SLC39A11: variants seen among roughly 807,000 people sequenced by gnomAD.
SLC39A11 encodes the protein solute carrier family 39 member 11, also known as zinc transporter ZIP11.
A neutral mutation model predicts 36.1 loss-of-function variants in SLC39A11; 33 were observed. The ratio of observed to expected loss-of-function variants is 0.91; its 90% confidence interval spans 0.69 to 1.22. The LOEUF (loss-of-function observed/expected upper bound fraction) is 1.22, where lower values mean the gene tolerates loss of function less well. Ranked by LOEUF, SLC39A11 falls within the 50% of genes most tolerant of loss-of-function variation. The pLI is 0.00. For missense variants in SLC39A11, 432 were observed against 430.3 expected (o/e 1.00, Z -0.03); for synonymous variants, 166 against 170.3 (o/e 0.97, Z 0.20).
At chr17:73,002,862 C>T (rs754254790) in intron 4 of SLC39A11, among the ~76,000 whole-genome samples, 3 of 152,190 alleles carry the variant, frequency 2.0e-5, no homozygotes, top group Admixed American at 1.3e-4. Flanking sequence ...TCAGGGCTTC[C>T]TCCCTCCAAT....
At chr17:72,687,319 G>C (rs2071804079) in intron 7 of SLC39A11, among the ~76,000 whole-genome samples, 1 of 152,032 alleles carries the variant, frequency 6.6e-6, no homozygotes, top group African/African-American at 2.4e-5. Flanking sequence ...GCGATGGTGC[G>C]ATCTCGGCTC....
intron 7 of SLC39A11, among the ~76,000 whole-genome samples, chr17:72,672,824 A>T (rs2071081455): frequency 6.6e-6 from 1 of 152,076 alleles, no homozygotes; most frequent in African/African-American, 2.4e-5. Context: ...TGATCTCCAT[A>T]AACTGAACTC....
intron 6 of SLC39A11, among the ~76,000 whole-genome samples, chr17:72,796,277 A>G (rs2076892118): frequency 1.3e-5 from 2 of 152,116 alleles, no homozygotes; most frequent in Admixed American, 1.3e-4. Flanking sequence ...GGCTTCTCTC[A>G]TCGTCCTCTT....
intron 6 of SLC39A11, among the ~76,000 whole-genome samples, chr17:72,757,429 G>A (rs980388000): frequency 1.3e-5 from 2 of 152,144 alleles, no homozygotes; most frequent in Non-Finnish European, 2.9e-5. Flanking sequence ...TGGGAAAGGT[G>A]GGCGCTGAGT....
intron 4 of SLC39A11, among the ~76,000 whole-genome samples, chr17:73,029,562 C>T (rs1210723918): frequency 2.0e-5 from 3 of 151,780 alleles, no homozygotes; most frequent in Admixed American, 1.3e-4. Context: ...GTCCAGGGGA[C>T]GGAGACAGAC....
chr17:72,801,994 T>A (rs1254765184), intron 6 of SLC39A11, among the ~76,000 whole-genome samples: 2 of 152,196 alleles, frequency 1.3e-5, no homozygotes, highest in Admixed American at 6.5e-5. Flanking sequence ...CAAACGAGAA[T>A]AACAGTTCCG....
chr17:72,747,488 G>A (rs2074988553), intron 6 of SLC39A11, among the ~76,000 whole-genome samples: 1 of 152,162 alleles, frequency 6.6e-6, no homozygotes, highest in African/African-American at 2.4e-5. Context: ...GTCTGTCCCA[G>A]CCTGTCTGGG....
At chr17:72,816,243 T>C (rs1047936744) in intron 6 of SLC39A11, among the ~76,000 whole-genome samples, 1 of 152,222 alleles carries the variant, frequency 6.6e-6, no homozygotes, top group African/African-American at 2.4e-5. Context: ...TAGGAATCCC[T>C]ACATGTTGGG....
chr17:72,868,344 G>GA (rs146378535), intron 5 of SLC39A11, among the ~76,000 whole-genome samples: 6,697 of 151,966 alleles, frequency 0.044, 196 homozygotes, highest in African/African-American at 0.08. Flanking sequence ...TATTCAGAGG[G>GA]AAAAAATAAT....
intron 6 of SLC39A11, among the ~76,000 whole-genome samples, chr17:72,805,658 A>G (rs1366795442): frequency 2.6e-5 from 4 of 152,194 alleles, no homozygotes; most frequent in African/African-American, 9.6e-5. Flanking sequence ...AATTCTTGTC[A>G]GGAATGTCAG....
intron 5 of SLC39A11, among the ~76,000 whole-genome samples, chr17:72,879,362 A>G (rs2146517313): frequency 6.6e-6 from 1 of 152,332 alleles, no homozygotes; most frequent in East Asian, 1.9e-4. Context: ...TCCATACAAA[A>G]GATACTCTTA....
chr17:72,968,602 C>T (rs962412182), intron 4 of SLC39A11, among the ~76,000 whole-genome samples: 9 of 152,162 alleles, frequency 5.9e-5, no homozygotes, highest in Admixed American at 3.3e-4. Context: ...ACAGAGGCCT[C>T]GCTCTTCACA....
At chr17:73,086,856 C>T (rs753434186) in intron 2 of SLC39A11, among the ~76,000 whole-genome samples, 33 of 151,504 alleles carry the variant, frequency 2.2e-4, no homozygotes, top group Non-Finnish European at 4.0e-4. Flanking sequence ...AACAGCCTGG[C>T]CGGATGGGGT....
At chr17:72,745,105 G>C (rs2074877564) in intron 6 of SLC39A11, among the ~76,000 whole-genome samples, 1 of 152,240 alleles carries the variant, frequency 6.6e-6, no homozygotes, top group Non-Finnish European at 1.5e-5. Flanking sequence ...GCCTCCCAGA[G>C]TGCTGGGATT....
At chr17:73,060,060 T>C (rs2059790964) in intron 3 of SLC39A11, among the ~76,000 whole-genome samples, 3 of 151,518 alleles carry the variant, frequency 2.0e-5, no homozygotes, top group African/African-American at 7.3e-5. Flanking sequence ...AATACAAAAA[T>C]CGGCCAAGCA....
intron 6 of SLC39A11, among the ~76,000 whole-genome samples, chr17:72,840,915 C>T (rs1014333111): frequency 2.6e-5 from 4 of 151,386 alleles, no homozygotes; most frequent in East Asian, 3.9e-4. Flanking sequence ...ATTAGCCAGG[C>T]GTGGTGGGGG....
chr17:72,870,620 C>T (rs2080559542), intron 5 of SLC39A11, among the ~76,000 whole-genome samples: 1 of 152,222 alleles, frequency 6.6e-6, no homozygotes, highest in African/African-American at 2.4e-5. Flanking sequence ...ATGCAGAGAC[C>T]CCTCTCCCCA....
intron 6 of SLC39A11, among the ~76,000 whole-genome samples, chr17:72,810,574 T>C (rs905093616): frequency 2.0e-5 from 3 of 152,216 alleles, no homozygotes; most frequent in African/African-American, 7.2e-5. Flanking sequence ...GAATACTAAT[T>C]ATCTCTTAGA....
chr17:72,909,988 A>G (rs1313155110), intron 5 of SLC39A11, among the ~76,000 whole-genome samples: 3 of 151,176 alleles, frequency 2.0e-5, no homozygotes, highest in East Asian at 3.9e-4. Context: ...TCCTCACCTC[A>G]TGATCCACCC....
Sources: gnomAD v4.1 joint callset for allele counts (sites outside exome capture counted in the v4.1 genomes callset) on GRCh38, gnomAD v4.1.1 for gene constraint, MANE v1.5 for transcripts, NCBI Gene and HGNC (gene_info 2026-07-23, HGNC 2026-07-21) for gene names.